Variants in PTPN13 observed in about 807,000 individuals in gnomAD.
The protein encoded by PTPN13 is protein tyrosine phosphatase non-receptor type 13.
Under a neutral mutation model 284.0 loss-of-function variants are expected in PTPN13, and 191 were observed. The observed-to-expected ratio is 0.67, with a 90% CI of 0.60 to 0.76. The LOEUF is 0.76. PTPN13 is among the 30% of genes least tolerant of loss of function. PTPN13 has a pLI of 0.00. For missense variants in PTPN13, 2,797 were observed against 2,939.9 expected, an observed-to-expected ratio of 0.95 and a Z score of 1.12; for synonymous variants, 986 against 1,022.3, an observed-to-expected ratio of 0.96 and a Z score of 0.68.
chr4:86,660,309 C>T (rs1451265303), intron 2 of PTPN13, among the ~76,000 whole-genome samples: 2 of 151,810 alleles, frequency 1.3e-5, no homozygotes, highest in African/African-American at 4.8e-5. Flanking sequence ...GTAAAACTTC[C>T]CATCTGGTAG....
intron 6 of PTPN13, among the ~76,000 whole-genome samples, chr4:86,694,106 T>A (rs898889600): frequency 1.3e-5 from 2 of 151,754 alleles, no homozygotes; most frequent in African/African-American, 2.4e-5. Flanking sequence ...TTTTTTTTTT[T>A]AAATGCTAGT....
At chr4:86,679,301 T>A (rs1264653058) in intron 3 of PTPN13, among the ~76,000 whole-genome samples, 1 of 152,196 alleles carries the variant, frequency 6.6e-6, no homozygotes, top group Non-Finnish European at 1.5e-5. Context: ...TCTGTGTACT[T>A]CTCACATGTC....
rs182792322 is a variant in PTPN13 at position 86,710,259 on chromosome 4, T to C, written c.1196-6271T>C. On this transcript the variant is annotated intron_variant, in intron 7 of 47. Transcript: ENST00000411767. ...TTCTGCACTACAAAAGCAGTCATTT[T>C]ATTTCTCTTCGAAACTTGTGTCTGT... 1.2e-4 allele frequency among the ~76,000 whole-genome samples: 18 copies of C among 152,360 alleles called. No homozygotes were observed. The East Asian group carries it at 3.5e-3, about 29-fold the overall frequency.
intron 1 of PTPN13, among the ~76,000 whole-genome samples, chr4:86,628,496 T>C (rs1187069625): frequency 4.1e-5 from 4 of 97,220 alleles, no homozygotes; most frequent in Admixed American, 1.9e-4. Context: ...GTTCATTTTT[T>C]TTTTTAATTT....
intron 2 of PTPN13, among the ~76,000 whole-genome samples, chr4:86,670,264 G>A (rs1727593000): frequency 7.3e-6 from 1 of 137,584 alleles, no homozygotes; most frequent in South Asian, 2.6e-4. Flanking sequence ...CTGCAGTTGT[G>A]ATCTTTATCC....
At chr4:86,668,078 C>A (rs999982976) in intron 2 of PTPN13, among the ~76,000 whole-genome samples, 8 of 152,248 alleles carry the variant, frequency 5.3e-5, no homozygotes, top group African/African-American at 1.9e-4. Context: ...TTGCCTCTAG[C>A]TGCTTGAAAT....
At chr4:86,698,855 G>A (rs1730841351) in intron 6 of PTPN13, among the ~76,000 whole-genome samples, 3 of 152,142 alleles carry the variant, frequency 2.0e-5, no homozygotes, top group African/African-American at 2.4e-5. Context: ...GGGAAATGTG[G>A]TTAACAGAGG....
At position 86,689,934 on chromosome 4, in the gene PTPN13, A is replaced by G. The variant is rs760792763; in HGVS notation, c.546+744A>G. The stretch of plus-strand genomic sequence containing the variant: ...GTCCCTCTTCCTTGCACAGGTTACA[A>G]ATTTACCACTGCCACACAGTGTTCT... On this transcript the variant is annotated intron_variant, in intron 5 of 47. Transcript: ENST00000411767. The G allele has an allele frequency of 4.1e-4, 200 of 488,274 alleles. 1 individual carries two copies. The highest frequency in any genetic ancestry group is 5.7e-4 in the Non-Finnish European group (157 of 277,022). 30.2% of individuals were successfully genotyped at this position (488,274 alleles called of 1,614,324 possible). A position where few individuals can be genotyped will look rare whatever the true frequency, so the allele number is the denominator to read the frequency against.
chr4:86,646,533 A>AATC (rs1312211952), intron 2 of PTPN13, among the ~76,000 whole-genome samples: 5 of 152,174 alleles, frequency 3.3e-5, no homozygotes, highest in African/African-American at 1.2e-4. Context: ...CCTGGCCTCA[A>AATC]ATCATCGGCC....
At chr4:86,799,060 A>T in intron 41 of PTPN13, 41 bp from the exon 42 acceptor site, 1 of 1,267,446 alleles carries the variant, frequency 7.9e-7, no homozygotes, top group Non-Finnish European at 1.1e-6. Flanking sequence ...ATTTGAGTAC[A>T]AAAATGAAGA....
intron 2 of PTPN13, among the ~76,000 whole-genome samples, chr4:86,654,983 C>T (rs968455855): frequency 5.3e-5 from 8 of 152,136 alleles, no homozygotes; most frequent in Non-Finnish European, 1.0e-4. Context: ...TTGATCCCTT[C>T]AACATTATGT....
intron 1 of PTPN13, among the ~76,000 whole-genome samples, chr4:86,603,816 C>T (rs1367391997): frequency 3.3e-5 from 5 of 152,094 alleles, no homozygotes; most frequent in African/African-American, 1.2e-4. Flanking sequence ...TAATAAAGTA[C>T]CTCGACCTAG....
chr4:86,805,057 A>G (rs1257689351), intron 43 of PTPN13, among the ~76,000 whole-genome samples: 1 of 152,222 alleles, frequency 6.6e-6, no homozygotes, highest in Non-Finnish European at 1.5e-5. Context: ...TCTGTCTCAT[A>G]AAGTTGACTA....
intron 35 of PTPN13, among the ~76,000 whole-genome samples, chr4:86,779,468 A>G (rs999501456): frequency 1.3e-5 from 2 of 152,068 alleles, no homozygotes; most frequent in African/African-American, 4.8e-5. Context: ...GTACACATGC[A>G]ATAGGTTGTA....
At position 86,803,815 on chromosome 4, in the gene PTPN13, G is replaced by A; in HGVS notation, c.6612G>A (p.Leu2204=). The A allele has an allele frequency of 6.2e-7, 1 of 1,613,844 alleles. No homozygotes were observed. Among genetic ancestry groups the A allele is most frequent in the Non-Finnish European group, 8.5e-7 (1 of 1,179,804 alleles). The change falls in exon 43 of 48, where the codon CTG becomes CTA. Residue 2204 remains leucine (L), a synonymous_variant. Coordinates refer to ENST00000411767, the MANE Select transcript of PTPN13 (RefSeq NM_080683.3). ...ACTTAAAATCAGTCATTCGAGTCCTGCGGGGTTTGCTAGATCAAGGAATTC... is the reference window on the plus strand; with the variant it reads ...ACTTAAAATCAGTCATTCGAGTCCTACGGGGTTTGCTAGATCAAGGAATTC... ...GANLKSVIRV[L]RGLLDQGIPS...
intron 1 of PTPN13, among the ~76,000 whole-genome samples, chr4:86,621,863 C>T (rs1721290846): frequency 6.6e-6 from 1 of 151,922 alleles, no homozygotes; most frequent in South Asian, 2.1e-4. Context: ...TTGTCTCTTC[C>T]TTTTGCTCCC....
At chr4:86,698,316 A>C (rs570653092) in intron 6 of PTPN13, among the ~76,000 whole-genome samples, 2 of 152,252 alleles carry the variant, frequency 1.3e-5, no homozygotes, top group East Asian at 3.9e-4. Flanking sequence ...GGGAGAATGG[A>C]CAGTTCTGGA....
chr4:86,663,883 A>G (rs1359929441), intron 2 of PTPN13, among the ~76,000 whole-genome samples: 2 of 152,190 alleles, frequency 1.3e-5, no homozygotes, highest in African/African-American at 4.8e-5. Flanking sequence ...CTGTAAAACA[A>G]ACAAAAAGCA....
chr4:86,761,198 T>A (rs1038626846), intron 23 of PTPN13, among the ~76,000 whole-genome samples: 2 of 146,184 alleles, frequency 1.4e-5, no homozygotes, highest in Non-Finnish European at 3.0e-5. Flanking sequence ...CACTATTTTT[T>A]AAAAATCTGT....
Sources: allele counts gnomAD v4.1 joint callset (sites outside exome capture counted in the v4.1 genomes callset), GRCh38; gene constraint gnomAD v4.1.1; transcripts MANE v1.5; gene names NCBI Gene and HGNC (gene_info 2026-07-23, HGNC 2026-07-21).